The following PLCXD3 variants were observed in gnomAD, a reference collection of about 807,000 sequenced individuals.
PLCXD3 encodes PI-PLC X domain-containing protein 3.
PLCXD3 carries 19 observed loss-of-function variants against 25.5 expected under a neutral mutation model. The ratio of observed to expected loss-of-function variants is 0.75; its 90% CI spans 0.52 to 1.09. The LOEUF (loss-of-function observed/expected upper bound fraction) is 1.09. Among genes scored for constraint, PLCXD3 ranks in the 50% least tolerant of loss-of-function variants. The pLI is 0.00. For missense variants in PLCXD3, 411 were observed against 388.1 expected, an observed-to-expected ratio of 1.06 and a Z score of -0.50; for synonymous variants, 174 against 137.6, an observed-to-expected ratio of 1.26 and a Z score of -1.85.
chr5:41,497,507 A>G (rs1000385081), intron 1 of PLCXD3, among the ~76,000 whole-genome samples: 2 of 151,846 alleles, frequency 1.3e-5, no homozygotes, highest in African/African-American at 4.8e-5. Flanking sequence ...AAATATATGC[A>G]CACCCAATAT....
intron 2 of PLCXD3, among the ~76,000 whole-genome samples, chr5:41,329,731 C>CA (rs1241969685): frequency 1.3e-5 from 2 of 150,864 alleles, no homozygotes; most frequent in Non-Finnish European, 2.9e-5. Flanking sequence ...AAGCAGTAAT[C>CA]ATCATCATCA....
chr5:41,486,876 C>T (rs1470354565), intron 1 of PLCXD3, among the ~76,000 whole-genome samples: 1 of 152,112 alleles, frequency 6.6e-6, no homozygotes, highest in Non-Finnish European at 1.5e-5. Context: ...AGTGATTCCC[C>T]TGGAGCTATT....
At chr5:41,484,140 A>G (rs533568961) in intron 1 of PLCXD3, among the ~76,000 whole-genome samples, 1 of 152,184 alleles carries the variant, frequency 6.6e-6, no homozygotes, top group Non-Finnish European at 1.5e-5. Flanking sequence ...CATTAGGGGT[A>G]TAGGGGGCCG....
At chr5:41,470,761 A>G (rs2150519892) in intron 1 of PLCXD3, among the ~76,000 whole-genome samples, 1 of 152,282 alleles carries the variant, frequency 6.6e-6, no homozygotes, top group Middle Eastern at 3.4e-3. Flanking sequence ...TAGTCCAAAG[A>G]ACTCCTGAGA....
intron 2 of PLCXD3, among the ~76,000 whole-genome samples, chr5:41,334,158 CTAGAG>C (rs1489391711): frequency 2.0e-5 from 3 of 152,122 alleles, no homozygotes; most frequent in East Asian, 3.9e-4. Context: ...TTGGTCCTGA[CTAGAG>C]TAGAGTAATG....
intron 2 of PLCXD3, among the ~76,000 whole-genome samples, chr5:41,317,936 G>A (rs1743349927): frequency 6.6e-6 from 1 of 152,038 alleles, no homozygotes; most frequent in African/African-American, 2.4e-5. Flanking sequence ...AAAGACAAGG[G>A]TAGGATGTTT....
chr5:41,385,702 C>T (rs1745613055), intron 1 of PLCXD3, among the ~76,000 whole-genome samples: 2 of 152,076 alleles, frequency 1.3e-5, no homozygotes, highest in Non-Finnish European at 1.5e-5. Flanking sequence ...TGATGGGATG[C>T]CGCTTCTGAG....
chr5:41,392,881 A>C (rs778552190), intron 1 of PLCXD3, among the ~76,000 whole-genome samples: 1 of 152,206 alleles, frequency 6.6e-6, no homozygotes, highest in Non-Finnish European at 1.5e-5. Flanking sequence ...AATTAAAAAG[A>C]ATCCAGCTGA....
chr5:41,380,007 A>G (rs1026522409), intron 2 of PLCXD3, among the ~76,000 whole-genome samples: 16 of 152,102 alleles, frequency 1.1e-4, no homozygotes, highest in Admixed American at 1.0e-3. Context: ...GAGTAACAGA[A>G]GAAAGTTATG....
At chr5:41,417,681 A>G (rs1746725159) in intron 1 of PLCXD3, among the ~76,000 whole-genome samples, 1 of 152,230 alleles carries the variant, frequency 6.6e-6, no homozygotes, top group African/African-American at 2.4e-5. Context: ...CCTGATGATT[A>G]GGAGAGTGCT....
chr5:41,346,067 G>A (rs768838937), intron 2 of PLCXD3, among the ~76,000 whole-genome samples: 8 of 152,052 alleles, frequency 5.3e-5, no homozygotes, highest in Non-Finnish European at 1.2e-4. Context: ...TTTTAGCAGA[G>A]AGGAGGTTTC....
intron 2 of PLCXD3, among the ~76,000 whole-genome samples, chr5:41,348,810 A>T (rs1279869079): frequency 6.6e-6 from 1 of 152,174 alleles, no homozygotes; most frequent in Non-Finnish European, 1.5e-5. Context: ...TTGGCAAAGG[A>T]GAAGGAAGAC....
intron 2 of PLCXD3, among the ~76,000 whole-genome samples, chr5:41,338,008 T>C (rs1441374687): frequency 1.3e-5 from 2 of 152,164 alleles, no homozygotes; most frequent in South Asian, 2.1e-4. Flanking sequence ...CTTAATAATG[T>C]ACAATAAATA....
At chr5:41,341,169 C>G (rs1744137327) in intron 2 of PLCXD3, among the ~76,000 whole-genome samples, 1 of 152,112 alleles carries the variant, frequency 6.6e-6, no homozygotes, top group Non-Finnish European at 1.5e-5. Flanking sequence ...ATATAGTTGA[C>G]TGAAGAATTA....
intron 2 of PLCXD3, among the ~76,000 whole-genome samples, chr5:41,376,892 G>A (rs1001197550): frequency 7.2e-5 from 11 of 151,992 alleles, no homozygotes; most frequent in African/African-American, 1.7e-4. Context: ...AATTGAACTC[G>A]GTCTACCTGA....
intron 1 of PLCXD3, 105 bp from the exon 2 acceptor site, chr5:41,382,639 A>G: frequency 1.2e-6 from 1 of 866,584 alleles, no homozygotes; most frequent in Non-Finnish European, 1.7e-6. Context: ...TGAGCCACAG[A>G]AAATACTAAG....
At chr5:41,485,121 A>G (rs1303326916) in intron 1 of PLCXD3, among the ~76,000 whole-genome samples, 1 of 152,184 alleles carries the variant, frequency 6.6e-6, no homozygotes, top group East Asian at 1.9e-4. Context: ...CACACCAATT[A>G]TTTCATTTCA....
intron 2 of PLCXD3, among the ~76,000 whole-genome samples, chr5:41,365,568 G>C (rs1198712601): frequency 6.6e-6 from 1 of 152,126 alleles, no homozygotes; most frequent in Non-Finnish European, 1.5e-5. Context: ...CACATTCTAT[G>C]TTCTTGTTGC....
At chr5:41,390,770 C>T (rs1745789035) in intron 1 of PLCXD3, among the ~76,000 whole-genome samples, 1 of 152,066 alleles carries the variant, frequency 6.6e-6, no homozygotes, top group African/African-American at 2.4e-5. Flanking sequence ...GATGACCACT[C>T]ATAGCACTGG....
Sources: allele counts gnomAD v4.1 joint callset (sites outside exome capture counted in the v4.1 genomes callset), GRCh38; gene constraint gnomAD v4.1.1; transcripts MANE v1.5; gene names NCBI Gene and HGNC (gene_info 2026-07-23, HGNC 2026-07-21).